The following QTMAN variants were observed in gnomAD, a reference collection of about 807,000 sequenced individuals.
QTMAN encodes tRNA-queuosine alpha-mannosyltransferase.
chr2:143,949,788 T>TA, the QTMAN span, among the ~76,000 whole-genome samples: 1 of 151,828 alleles, frequency 6.6e-6, no homozygotes, highest in Admixed American at 6.6e-5. Context: ...AAACACAAGA[T>TA]AAAAAATTAC....
chr2:143,971,644 A>G, the QTMAN span, among the ~76,000 whole-genome samples: 1 of 152,168 alleles, frequency 6.6e-6, no homozygotes, highest in Non-Finnish European at 1.5e-5. Flanking sequence ...ACTGTTTTAA[A>G]TTATCTTATT....
chr2:144,016,080 C>T, the QTMAN span, among the ~76,000 whole-genome samples: 9 of 152,210 alleles, frequency 5.9e-5, no homozygotes, highest in Non-Finnish European at 1.0e-4. Context: ...AGTCAGTGAA[C>T]GATTCACTGT....
chr2:144,083,663 A>G, the QTMAN span, among the ~76,000 whole-genome samples: 20 of 152,190 alleles, frequency 1.3e-4, no homozygotes, highest in African/African-American at 4.6e-4. Flanking sequence ...CAATATAATA[A>G]TGATGATTCT....
the QTMAN span, chr2:144,007,368 G>C: frequency 6.2e-7 from 1 of 1,613,250 alleles, no homozygotes; most frequent in Middle Eastern, 1.7e-4. Context: ...TTGTCGTGCA[G>C]TATCAAGGCC....
At chr2:143,949,688 G>A in the QTMAN span, among the ~76,000 whole-genome samples, 5 of 151,720 alleles carry the variant, frequency 3.3e-5, no homozygotes, top group Admixed American at 6.6e-5. Flanking sequence ...GATCCTCTCC[G>A]ACTGCATAAG....
At chr2:144,012,501 G>C in the QTMAN span, among the ~76,000 whole-genome samples, 2 of 152,164 alleles carry the variant, frequency 1.3e-5, no homozygotes, top group African/African-American at 2.4e-5. Context: ...CACAGAGGTA[G>C]TCAGAAGGCA....
the QTMAN span, among the ~76,000 whole-genome samples, chr2:144,018,694 G>A: frequency 6.7e-6 from 1 of 149,900 alleles, no homozygotes. Flanking sequence ...AACACTGAGT[G>A]AAAAAGGTTC....
the QTMAN span, among the ~76,000 whole-genome samples, chr2:144,119,797 T>C: frequency 2.0e-5 from 3 of 152,182 alleles, no homozygotes; most frequent in Non-Finnish European, 4.4e-5. Context: ...TCTTCTCTTC[T>C]TTTTTCTTCA....
At chr2:144,120,259 G>A in the QTMAN span, among the ~76,000 whole-genome samples, 3 of 152,066 alleles carry the variant, frequency 2.0e-5, no homozygotes, top group South Asian at 4.2e-4. Context: ...CTCACTTGCT[G>A]AGCCTTCCAT....
chr2:143,986,481 G>C, the QTMAN span, among the ~76,000 whole-genome samples: 1 of 152,190 alleles, frequency 6.6e-6, no homozygotes, highest in Non-Finnish European at 1.5e-5. Flanking sequence ...CTTCTATGAT[G>C]TTAGAGCTAA....
the QTMAN span, among the ~76,000 whole-genome samples, chr2:144,249,245 C>A: frequency 3.9e-5 from 6 of 152,180 alleles, no homozygotes; most frequent in Middle Eastern, 3.4e-3. Context: ...TTTTTGTATG[C>A]AAAGGATTAA....
chr2:144,224,737 C>A, the QTMAN span, among the ~76,000 whole-genome samples: 1 of 152,110 alleles, frequency 6.6e-6, no homozygotes, highest in Admixed American at 6.5e-5. Flanking sequence ...TTGGTATGTG[C>A]AAAAAGTAGG....
the QTMAN span, among the ~76,000 whole-genome samples, chr2:144,148,968 G>C: frequency 6.6e-6 from 1 of 151,822 alleles, no homozygotes; most frequent in Admixed American, 6.6e-5. Flanking sequence ...AAACGGTAAA[G>C]TGGTCAATAA....
At chr2:143,995,349 G>T in the QTMAN span, among the ~76,000 whole-genome samples, 1 of 152,006 alleles carries the variant, frequency 6.6e-6, no homozygotes, top group African/African-American at 2.4e-5. Flanking sequence ...AGAAAAAATT[G>T]ATTTTAACCA....
chr2:143,988,445 A>G, the QTMAN span, among the ~76,000 whole-genome samples: 1 of 152,368 alleles, frequency 6.6e-6, no homozygotes, highest in East Asian at 1.9e-4. Context: ...GATGCTCCTA[A>G]GCATTCTTAG....
the QTMAN span, among the ~76,000 whole-genome samples, chr2:144,261,342 G>A: frequency 5.9e-5 from 9 of 152,066 alleles, no homozygotes; most frequent in South Asian, 1.9e-3. Context: ...GGGAGGGGGG[G>A]ATGATATTTA....
chr2:144,123,040 G>T, the QTMAN span, among the ~76,000 whole-genome samples: 1 of 151,688 alleles, frequency 6.6e-6, no homozygotes, highest in African/African-American at 2.4e-5. Context: ...CATAATAAAT[G>T]ATTTATATGT....
chr2:144,277,690 C>T, the QTMAN span, among the ~76,000 whole-genome samples: 1 of 152,024 alleles, frequency 6.6e-6, no homozygotes, highest in African/African-American at 2.4e-5. Flanking sequence ...TACCTCCTAT[C>T]AACATTACTG....
the QTMAN span, among the ~76,000 whole-genome samples, chr2:144,076,240 C>T: frequency 6.6e-6 from 1 of 152,202 alleles, no homozygotes; most frequent in Admixed American, 6.5e-5. Context: ...GAGTGAGACT[C>T]CACCTCAAAA....
Sources: gnomAD v4.1 joint callset for allele counts (sites outside exome capture counted in the v4.1 genomes callset) on GRCh38, gnomAD v4.1.1 for gene constraint, MANE v1.5 for transcripts, NCBI Gene and HGNC (gene_info 2026-07-23, HGNC 2026-07-21) for gene names.